RORA: variants seen among roughly 807,000 people sequenced by gnomAD.
RORA encodes RAR related orphan receptor A, also known as nuclear receptor ROR-alpha.
Under a neutral mutation model 69.5 loss-of-function variants are expected in RORA, and 7 were observed. The ratio of observed to expected loss-of-function variants is 0.10; its 90% confidence interval spans 0.06 to 0.19. The LOEUF is 0.19. Among genes scored for constraint, RORA ranks in the 10% least tolerant of loss-of-function variants. The pLI, the probability that RORA is intolerant of heterozygous loss-of-function variation, is 1.00. For missense variants in RORA, 457 were observed against 663.0 expected, an observed-to-expected ratio of 0.69 and a Z score of 3.41; for synonymous variants, 261 against 240.8, an observed-to-expected ratio of 1.08 and a Z score of -0.78.
At chr15:60,682,710 C>T (rs528112963) in intron 1 of RORA, among the ~76,000 whole-genome samples, 1 of 152,326 alleles carries the variant, frequency 6.6e-6, no homozygotes, top group South Asian at 2.1e-4. Flanking sequence ...GGACTTTGGT[C>T]CCCACTACCG....
intron 1 of RORA, among the ~76,000 whole-genome samples, chr15:61,043,637 G>A (rs770926009): frequency 6.6e-6 from 1 of 152,140 alleles, no homozygotes; most frequent in Non-Finnish European, 1.5e-5. Context: ...CTGTCATACA[G>A]TTCCCTCCCA....
At chr15:61,164,157 C>A (rs1422389783) in intron 1 of RORA, among the ~76,000 whole-genome samples, 8 of 150,838 alleles carry the variant, frequency 5.3e-5, no homozygotes, top group Non-Finnish European at 8.8e-5. Flanking sequence ...AAAAAAAAAA[C>A]ATGTGGAGCC....
chr15:60,813,414 A>G (rs780772155), intron 1 of RORA, among the ~76,000 whole-genome samples: 5 of 151,540 alleles, frequency 3.3e-5, no homozygotes, highest in Non-Finnish European at 5.9e-5. Context: ...CACGAAGTGT[A>G]TGGGTGGCAA....
At chr15:60,609,835 T>G (rs1239622122) in intron 2 of RORA, among the ~76,000 whole-genome samples, 2 of 152,132 alleles carry the variant, frequency 1.3e-5, no homozygotes, top group Non-Finnish European at 2.9e-5. Flanking sequence ...TTCAGAAGGC[T>G]GAATGGCTGG....
At chr15:60,716,719 G>C (rs1222737133) in intron 1 of RORA, among the ~76,000 whole-genome samples, 3 of 152,054 alleles carry the variant, frequency 2.0e-5, no homozygotes, top group African/African-American at 7.2e-5. Flanking sequence ...CCTCCTCAGA[G>C]AGAGTCCCAC....
chr15:60,797,953 C>T (rs2072521319), intron 1 of RORA, among the ~76,000 whole-genome samples: 1 of 152,118 alleles, frequency 6.6e-6, no homozygotes, highest in South Asian at 2.1e-4. Context: ...TTAAAATCAA[C>T]CAGATGTGTA....
intron 1 of RORA, among the ~76,000 whole-genome samples, chr15:61,199,384 G>A (rs956467902): frequency 7.9e-5 from 12 of 152,062 alleles, no homozygotes; most frequent in African/African-American, 2.9e-4. Context: ...TAGTCCAATG[G>A]CCCCAGGAAT....
intron 1 of RORA, among the ~76,000 whole-genome samples, chr15:60,740,047 C>T (rs2071554170): frequency 6.6e-6 from 1 of 152,148 alleles, no homozygotes; most frequent in Non-Finnish European, 1.5e-5. Context: ...TGACTCCTCT[C>T]TTCTATTAGA....
intron 1 of RORA, among the ~76,000 whole-genome samples, chr15:60,813,208 G>A (rs2072767524): frequency 6.6e-6 from 1 of 152,132 alleles, no homozygotes; most frequent in African/African-American, 2.4e-5. Flanking sequence ...CCCAACCCAG[G>A]AATGAGGGGA....
chr15:61,147,796 A>C lies in RORA; in HGVS notation c.166+81257T>G, dbSNP rs1227650977. 1.7e-5 allele frequency among the ~76,000 whole-genome samples: 1 copy of C among 57,762 alleles called. No homozygotes were observed. Among genetic ancestry groups the C allele is most frequent in the African/African-American group, 4.4e-5 (1 of 22,972 alleles). 37.9% of individuals were successfully genotyped at this position (57,762 alleles called of 152,430 possible). ...GTGTGTGTGTGTGTGTGTGTGTGTG[A>C]AATCTTTAGGTTTTTTTACCTGCCT... On this transcript the variant is annotated intron_variant, in intron 1 of 10. Coordinates refer to ENST00000335670, the MANE Select transcript of RORA (RefSeq NM_134261.3). This position sits in a 1 kb window ranked among gnomAD's most constrained non-coding sequence, Gnocchi z 4.1.
At chr15:61,214,452 A>G (rs1477196173) in intron 1 of RORA, among the ~76,000 whole-genome samples, 2 of 152,246 alleles carry the variant, frequency 1.3e-5, no homozygotes, top group Non-Finnish European at 2.9e-5. Context: ...TTCGCTTTCA[A>G]TATATTGATC....
At chr15:60,779,344 A>G (rs1039712400) in intron 1 of RORA, among the ~76,000 whole-genome samples, 4 of 152,048 alleles carry the variant, frequency 2.6e-5, no homozygotes, top group African/African-American at 9.7e-5. Flanking sequence ...CTCCAACACA[A>G]CCACAAGGAG....
chr15:60,769,085 G>A (rs781728167), intron 1 of RORA, among the ~76,000 whole-genome samples: 9 of 152,158 alleles, frequency 5.9e-5, no homozygotes, highest in African/African-American at 9.7e-5. Flanking sequence ...ATTTTAGAAC[G>A]ATTTTACCTG....
chr15:60,779,349 AAGG>A (rs2072220998), intron 1 of RORA, among the ~76,000 whole-genome samples: 1 of 152,108 alleles, frequency 6.6e-6, no homozygotes, highest in African/African-American at 2.4e-5. Flanking sequence ...ACACAACCAC[AAGG>A]AGTTCAGATC....
At chr15:61,059,711 A>C (rs2078144442) in intron 1 of RORA, among the ~76,000 whole-genome samples, 1 of 151,984 alleles carries the variant, frequency 6.6e-6, no homozygotes, top group Non-Finnish European at 1.5e-5. Flanking sequence ...TCCTGTCCCT[A>C]AATAGGGCTC....
chr15:61,081,807 CAAA>C (rs59591650), intron 1 of RORA, among the ~76,000 whole-genome samples: 7 of 105,664 alleles, frequency 6.6e-5, no homozygotes, highest in Non-Finnish European at 3.9e-5. Flanking sequence ...GACTCTGTCT[CAAA>C]AAAAAAAAAA....
chr15:60,962,109 T>C (rs997969150), intron 1 of RORA, among the ~76,000 whole-genome samples: 1 of 152,224 alleles, frequency 6.6e-6, no homozygotes, highest in African/African-American at 2.4e-5. Flanking sequence ...CGAGTATCTT[T>C]GCTTTTCTGG....
chr15:60,708,417 CAAAA>C (rs568365743), intron 1 of RORA, among the ~76,000 whole-genome samples: 3 of 66,412 alleles, frequency 4.5e-5, no homozygotes, highest in Admixed American at 1.8e-4. Flanking sequence ...GACTCCGTCT[CAAAA>C]AAAAAAAAAA....
chr15:60,535,142 CA>C (rs1480617876), intron 2 of RORA, among the ~76,000 whole-genome samples: 1 of 152,130 alleles, frequency 6.6e-6, no homozygotes, highest in Non-Finnish European at 1.5e-5. Context: ...ATACTGCACA[CA>C]TTAACTCAGC....
Sources: allele counts gnomAD v4.1 joint callset (sites outside exome capture counted in the v4.1 genomes callset), GRCh38; gene constraint gnomAD v4.1.1; non-coding constraint Gnocchi (gnomAD v3.1); transcripts MANE v1.5; gene names NCBI Gene and HGNC (gene_info 2026-07-23, HGNC 2026-07-21).